Variants in SLC4A2 observed in about 807,000 individuals in gnomAD.
SLC4A2 encodes the protein solute carrier family 4 member 2.
In SLC4A2, 36 loss-of-function variants were observed where a neutral mutation model predicts 115.0. The observed-to-expected ratio is 0.31, with a 90% CI of 0.24 to 0.41. SLC4A2 has a LOEUF of 0.41. SLC4A2 is among the 10% of genes least tolerant of loss of function. The pLI is 1.00. For missense variants in SLC4A2, 1,252 were observed against 1,705.6 expected, an observed-to-expected ratio of 0.73 and a Z score of 4.68; for synonymous variants, 708 against 708.3, an observed-to-expected ratio of 1.00 and a Z score of 0.01.
Position 151,076,177 on chromosome 7 carries a change from G to C in SLC4A2, c.3636G>C (p.Glu1212Asp). 1 of 1,611,668 alleles carries C rather than the reference G, an allele frequency of 6.2e-7. No individual in the cohort carries two copies. Among genetic ancestry groups the C allele is most frequent in the Non-Finnish European group, 8.5e-7 (1 of 1,179,850 alleles). The part of the protein sequence containing the change: ...VVLTRIFTDR[E>D]MKCLDANEAE... ...TCACCCGTATCTTCACCGACCGAGAGATGAAATGTGTAAGCCCTCCCGTCT... is the reference window on the plus strand; with the variant it reads ...TCACCCGTATCTTCACCGACCGAGACATGAAATGTGTAAGCCCTCCCGTCT... The change falls in exon 22 of 23, where the codon GAG (glutamate) becomes GAC (aspartate). Residue 1212 changes from glutamate to aspartate, a missense_variant. Glu to Asp is a conservative substitution (Grantham distance 45, BLOSUM62 2). Coordinates refer to ENST00000413384, the MANE Select transcript of SLC4A2 (RefSeq NM_003040.4).
intron 16 of SLC4A2, among the ~76,000 whole-genome samples, chr7:151,072,369 G>A (rs1228798666): frequency 1.3e-5 from 2 of 151,838 alleles, no homozygotes; most frequent in Non-Finnish European, 2.9e-5. Context: ...TTGGCTCCCC[G>A]CAACTTCTGC....
intron 8 of SLC4A2, among the ~76,000 whole-genome samples, chr7:151,069,202 A>G (rs1037693049): frequency 1.4e-5 from 2 of 144,184 alleles, no homozygotes; most frequent in African/African-American, 5.1e-5. Context: ...TTGTTTCCCA[A>G]CTAGGAGTCC....
intron 16 of SLC4A2, among the ~76,000 whole-genome samples, chr7:151,073,340 G>A (rs1291312029): frequency 1.3e-5 from 2 of 151,956 alleles, no homozygotes; most frequent in Non-Finnish European, 2.9e-5. Context: ...AGGCTGGAGT[G>A]CAGTGGCCCG....
intron 16 of SLC4A2, 104 bp downstream of exon 16, chr7:151,072,240 A>C: frequency 2.1e-6 from 2 of 962,536 alleles, no homozygotes; most frequent in Non-Finnish European, 3.2e-6. Flanking sequence ...GCTGGTCTGG[A>C]GCATCCCCGG....
In SLC4A2 at chr7:151,066,989, A is replaced by G; in HGVS notation, c.962A>G (p.His321Arg). The change falls in exon 7 of 23, where the codon CAT becomes CGT. Residue 321 changes from histidine (H) to arginine (R), a missense_variant. By Grantham distance (29) the His-to-Arg change is conservative. Transcript: ENST00000413384. ...CGACCCCGGGCCCCCCACAAGCCCC[A>G]TGAGGTACCATGCTCTGCTTCATGC... Reference protein sequence around the residue: ...RARPRAPHKPHEVFVELNELL... With the variant: ...RARPRAPHKPREVFVELNELL... The G allele has an allele frequency of 6.3e-7, 1 of 1,597,282 alleles. No homozygotes were observed. The highest frequency in any genetic ancestry group is 8.5e-7 in the Non-Finnish European group (1 of 1,173,548).
intron 19 of SLC4A2, chr7:151,075,043 C>A: frequency 1.1e-6 from 1 of 880,862 alleles, no homozygotes; most frequent in Non-Finnish European, 1.8e-6. Flanking sequence ...AGGGGCAGGC[C>A]ACCCTGGCAG....
At chr7:151,074,335 G>T (rs774606470) in intron 17 of SLC4A2, 42 bp downstream of exon 17, 5 of 1,610,020 alleles carry the variant, frequency 3.1e-6, no homozygotes, top group African/African-American at 1.3e-5. Flanking sequence ...GGGGCAGGAA[G>T]GGGGGTGGCA....
rs1797426937 is a variant in SLC4A2 at position 151,071,264 on chromosome 7, G to C, written c.1942G>C (p.Ala648Pro). Residue 648 changes from alanine (A) to proline (P), a missense_variant, in exon 13 of 23, where the codon GCT becomes CCT. Ala to Pro is a conservative substitution (Grantham distance 27, BLOSUM62 -1). This residue lies in a region of SLC4A2 where 122 missense variants were observed against 116.8 expected (regional missense o/e 1.04). Transcript: ENST00000413384. The surrounding 1 kb of genome is among the most constrained non-coding windows in gnomAD (Gnocchi z 5.5). ...EEQGRLLPTG[A>P]GLEPKSAQDK... ...GCAGGGCCGGCTGCTACCTACAGGG[G>C]CTGGGCTGGAGCCCAAATCTGCCCA... 8 of 1,562,692 alleles carry C rather than the reference G, an allele frequency of 5.1e-6. No individual in the cohort carries two copies. The highest frequency in any genetic ancestry group is 2.4e-5 in the East Asian group (1 of 41,670).
Position 151,070,352 on chromosome 7 carries a change from G to A in SLC4A2, c.1449+6G>A. On this transcript the variant is annotated splice_donor_region_variant and intron_variant, in intron 10 of 22. Coordinates refer to ENST00000413384, the MANE Select transcript of SLC4A2 (RefSeq NM_003040.4). The stretch of plus-strand genomic sequence containing the variant: ...GGCTGGAGGTGGAGCGAGAGGTGAG[G>A]GGAGAACCAGCCCTGCCTGGGCTGG... 1.9e-6 allele frequency: 3 copies of A among 1,610,072 alleles called. No homozygotes were observed. The highest frequency in any genetic ancestry group is 2.5e-6 in the Non-Finnish European group (3 of 1,177,654).
At chr7:151,062,793 G>A (rs1797096483) in intron 2 of SLC4A2, 10 of 1,369,618 alleles carry the variant, frequency 7.3e-6, no homozygotes, top group South Asian at 1.7e-5. Flanking sequence ...GAGATGGACA[G>A]GAGCCTTCCT....
intron 2 of SLC4A2, 129 bp from the exon 3 acceptor site, chr7:151,064,073 C>T: frequency 3.4e-6 from 3 of 878,534 alleles, no homozygotes; most frequent in Non-Finnish European, 3.5e-6. Context: ...CATATAGAGC[C>T]ACCAGCATTA....
intron 8 of SLC4A2, 140 bp from the exon 9 acceptor site, chr7:151,069,807 G>A (rs1186891260): frequency 4.2e-6 from 4 of 948,004 alleles, no homozygotes; most frequent in East Asian, 2.5e-5. Context: ...GCCAGAACTC[G>A]AGCCCGCGTC....
chr7:151,076,394 C>T lies in SLC4A2; in HGVS notation c.*27C>T, dbSNP rs1213109129. ...CGCCACCGAGGGACAGCCGAGGGAC[C>T]GATGGACGAGGGGACAGGCTGGTGG... On this transcript the variant is annotated 3_prime_UTR_variant, in exon 23 of 23. Coordinates refer to ENST00000413384, the MANE Select transcript of SLC4A2 (RefSeq NM_003040.4). 3.4e-6 allele frequency: 5 copies of T among 1,466,124 alleles called. No individual in the cohort carries two copies. Among genetic ancestry groups the T allele is most frequent in the African/African-American group, 1.4e-5 (1 of 69,952 alleles). 90.8% of individuals were successfully genotyped at this position (1,466,124 alleles called of 1,614,324 possible).
intron 2 of SLC4A2, chr7:151,062,649 C>A: frequency 6.6e-7 from 1 of 1,524,532 alleles, no homozygotes; most frequent in Middle Eastern, 1.7e-4. Context: ...CATGGACTTC[C>A]TCCTGCGGCC....
intron 8 of SLC4A2, 114 bp from the exon 9 acceptor site, chr7:151,069,833 G>A (rs1797368430): frequency 8.0e-7 from 1 of 1,250,720 alleles, no homozygotes; most frequent in Admixed American, 1.8e-5. Context: ...TGTGTAGGCT[G>A]GTGTTCCAGC....
intron 8 of SLC4A2, among the ~76,000 whole-genome samples, chr7:151,068,894 C>T (rs1037746041): frequency 2.6e-5 from 4 of 151,080 alleles, no homozygotes; most frequent in African/African-American, 9.7e-5. Flanking sequence ...AATCCCAGCA[C>T]CTTGGGAGGC....
At position 151,069,140 on chromosome 7, in the gene SLC4A2, C is replaced by CAAAAAAA. The variant is rs397978007; in HGVS notation, c.1148-794_1148-788dup. Among the ~76,000 whole-genome samples, 280 of 40,890 alleles carry CAAAAAAA rather than the reference C, an allele frequency of 6.8e-3. 46 individuals are homozygous for CAAAAAAA. The highest frequency in any genetic ancestry group is 9.8e-3 in the East Asian group (8 of 818). The allele number at this position is 40,890 out of a possible 152,430, so 26.8% of individuals were successfully genotyped here. A position where few individuals can be genotyped will look rare whatever the true frequency, so the allele number is the denominator to read the frequency against. On this transcript the variant is annotated intron_variant, in intron 8 of 22. Coordinates refer to ENST00000413384, the MANE Select transcript of SLC4A2 (RefSeq NM_003040.4). ...AACGACAGAGCGAGACTCTTATCAC[C>CAAAAAAA]AAAAAAAAAAAAAAAAAAAGCAGCT... is the stretch of plus-strand genomic sequence containing the variant.
At chr7:151,065,218 AGTATGGTTTAGCCTGGCAAAGAACAC>A (rs1797190142) in intron 5 of SLC4A2, among the ~76,000 whole-genome samples, 1 of 152,168 alleles carries the variant, frequency 6.6e-6, no homozygotes, top group Admixed American at 6.5e-5. Flanking sequence ...TAAAGTTCTA[AGTATGGTTTAGCCTGGCAAAGAACAC>A]GCGCTGCCTA....
Position 151,075,588 on chromosome 7 carries a change from C to T in SLC4A2, c.3302-18C>T, listed in dbSNP as rs367615559. 49 of 1,586,110 alleles carry T rather than the reference C, an allele frequency of 3.1e-5. No individual in the cohort carries two copies. Among genetic ancestry groups the T allele is most frequent in the Non-Finnish European group, 4.2e-5 (49 of 1,169,686 alleles). ...CAGGGGACCCCGGGGCCAACTCTTT[C>T]TCCTGCGCCTCCCGTAGGCCTCTCC... On this transcript the variant is annotated intron_variant, in intron 20 of 22. Coordinates refer to ENST00000413384, the MANE Select transcript of SLC4A2 (RefSeq NM_003040.4).
Sources: allele counts gnomAD v4.1 joint callset (sites outside exome capture counted in the v4.1 genomes callset), GRCh38; gene constraint gnomAD v4.1.1; regional missense constraint gnomAD v4.1.1; non-coding constraint Gnocchi (gnomAD v3.1); transcripts MANE v1.5; gene names NCBI Gene and HGNC (gene_info 2026-07-23, HGNC 2026-07-21).